Variants in CHLSN observed in about 807,000 individuals in gnomAD.
The protein encoded by CHLSN is protein cholesin.
the CHLSN span, among the ~76,000 whole-genome samples, chr7:1,100,212 A>G: frequency 6.6e-6 from 1 of 152,190 alleles, no homozygotes; most frequent in Non-Finnish European, 1.5e-5. Context: ...GCCCCGTATG[A>G]GCCCTCAGTG....
At chr7:1,023,624 A>AACACAC in the CHLSN span, among the ~76,000 whole-genome samples, 4,726 of 122,124 alleles carry the variant, frequency 0.039, 122 homozygotes, top group East Asian at 0.064. The surrounding 1 kb of genome is among the most constrained non-coding windows in gnomAD (Gnocchi z 5.0). Context: ...CCTCCCAGGA[A>AACACAC]ACACACACAC....
At chr7:1,109,876 A>G in the CHLSN span, among the ~76,000 whole-genome samples, 2 of 152,040 alleles carry the variant, frequency 1.3e-5, no homozygotes, top group Non-Finnish European at 2.9e-5. Context: ...CTACCAGGCA[A>G]CCACCTCCAT....
chr7:1,047,408 C>T, the CHLSN span, among the ~76,000 whole-genome samples: 1 of 152,224 alleles, frequency 6.6e-6, no homozygotes, highest in Non-Finnish European at 1.5e-5. Context: ...CAAAACCATC[C>T]ACCTATGTAA....
chr7:987,937 G>GT, the CHLSN span, among the ~76,000 whole-genome samples: 1 of 149,202 alleles, frequency 6.7e-6, no homozygotes, highest in African/African-American at 2.5e-5. Context: ...GTGTCCTGGG[G>GT]GGGTCCCCTG....
the CHLSN span, chr7:997,681 G>A: frequency 1.9e-6 from 3 of 1,610,894 alleles, no homozygotes; most frequent in Admixed American, 3.4e-5. Context: ...GGCAGGGGGG[G>A]ATCAGAGCCC....
chr7:1,072,183 G>A, the CHLSN span, among the ~76,000 whole-genome samples: 1 of 152,216 alleles, frequency 6.6e-6, no homozygotes, highest in African/African-American at 2.4e-5. Flanking sequence ...CCATGGTCCT[G>A]GAGCCGTAAG....
chr7:1,085,380 C>T, the CHLSN span, among the ~76,000 whole-genome samples: 41 of 152,306 alleles, frequency 2.7e-4, no homozygotes, highest in Admixed American at 2.5e-3. Context: ...AGACCATGTG[C>T]TCAGAGTCAG....
the CHLSN span, among the ~76,000 whole-genome samples, chr7:1,038,462 C>A: frequency 2.5e-4 from 22 of 89,408 alleles, no homozygotes; most frequent in African/African-American, 1.1e-3. Flanking sequence ...CGGCCAGCCG[C>A]CCCGTCCGGG....
the CHLSN span, among the ~76,000 whole-genome samples, chr7:1,013,029 G>A: frequency 1.2e-4 from 18 of 152,352 alleles, no homozygotes; most frequent in Middle Eastern, 0.01. Flanking sequence ...GGCACAGGCC[G>A]CGGCAGGTCG....
chr7:1,130,367 C>T, the CHLSN span, among the ~76,000 whole-genome samples: 1 of 152,280 alleles, frequency 6.6e-6, no homozygotes, highest in Non-Finnish European at 1.5e-5. Context: ...GTGGCCAGGA[C>T]CTAAGGAACA....
the CHLSN span, among the ~76,000 whole-genome samples, chr7:1,104,551 C>A: frequency 6.6e-6 from 1 of 152,200 alleles, no homozygotes; most frequent in East Asian, 1.9e-4. Context: ...TCCAGGTCAG[C>A]GCAACTGTGT....
the CHLSN span, chr7:1,055,377 C>T: frequency 6.4e-6 from 3 of 470,406 alleles, no homozygotes; most frequent in South Asian, 1.5e-5. Flanking sequence ...AGCGCAGCAG[C>T]GCGCAGGTCC....
the CHLSN span, chr7:1,055,280 A>G: frequency 2.1e-6 from 1 of 471,176 alleles, no homozygotes; most frequent in Non-Finnish European, 4.4e-6. Context: ...TTACCAGAGG[A>G]AAACAAGTGC....
the CHLSN span, among the ~76,000 whole-genome samples, chr7:1,118,571 A>G: frequency 6.6e-6 from 1 of 152,182 alleles, no homozygotes; most frequent in South Asian, 2.1e-4. Context: ...GACAACCTCA[A>G]TAAGTCGCAA....
At chr7:997,329 G>T in the CHLSN span, 2 of 354,122 alleles carry the variant, frequency 5.6e-6, no homozygotes, top group African/African-American at 4.2e-5. Flanking sequence ...GGGCTGGAGG[G>T]TCCCTCCAAG....
the CHLSN span, among the ~76,000 whole-genome samples, chr7:1,048,154 G>A: frequency 1.3e-5 from 2 of 152,190 alleles, no homozygotes; most frequent in Non-Finnish European, 2.9e-5. Flanking sequence ...ACGAGGGGAA[G>A]CGAGAAAGGG....
chr7:1,017,052 G>T, the CHLSN span, among the ~76,000 whole-genome samples: 1 of 152,128 alleles, frequency 6.6e-6, no homozygotes, highest in Non-Finnish European at 1.5e-5. Context: ...GTCCTCTGCT[G>T]TGCATGTCAT....
At chr7:1,083,954 G>A in the CHLSN span, among the ~76,000 whole-genome samples, 2 of 152,242 alleles carry the variant, frequency 1.3e-5, no homozygotes, top group East Asian at 3.9e-4. Context: ...AGGAACAAGA[G>A]AGACGAAGTC....
At chr7:1,041,956 G>C in the CHLSN span, among the ~76,000 whole-genome samples, 1 of 152,334 alleles carries the variant, frequency 6.6e-6, no homozygotes, top group South Asian at 2.1e-4. Flanking sequence ...GCCTGAATGC[G>C]GCAGGGGAAG....
Sources: allele counts gnomAD v4.1 joint callset (sites outside exome capture counted in the v4.1 genomes callset), GRCh38; gene constraint gnomAD v4.1.1; non-coding constraint Gnocchi (gnomAD v3.1); transcripts MANE v1.5; gene names NCBI Gene and HGNC (gene_info 2026-07-23, HGNC 2026-07-21).